FRMPD2: variants seen among roughly 807,000 people sequenced by gnomAD.
FRMPD2 encodes the protein FERM and PDZ domain-containing protein 2.
FRMPD2 carries 96 observed loss-of-function variants against 140.1 expected under a neutral mutation model. That is an observed-to-expected ratio of 0.69 (90% CI 0.58 to 0.81). The LOEUF is 0.81. Ranked by LOEUF, FRMPD2 falls within the 40% of genes least tolerant of loss-of-function variation. The probability of loss-of-function intolerance (pLI) is 0.00; values close to 1 mark genes in which losing one functional copy is unlikely to be tolerated. For synonymous variants in FRMPD2, 449 were observed against 547.6 expected (o/e 0.82, Z 2.52); for missense variants, 1,240 against 1,447.4 (o/e 0.86, Z 2.32).
intron 2 of FRMPD2, among the ~76,000 whole-genome samples, chr10:48,250,778 A>G (rs1220864149): frequency 6.7e-6 from 1 of 149,274 alleles, no homozygotes; most frequent in African/African-American, 2.5e-5. Context: ...CCTGTTTAGA[A>G]CACAGAGTAG....
At position 48,262,239 on chromosome 10, in the gene FRMPD2, A is replaced by G. The variant is rs556786593; in HGVS notation, c.26-10548T>C. 5.9e-5 allele frequency among the ~76,000 whole-genome samples: 9 copies of G among 152,320 alleles called. No individual in the cohort carries two copies. In the East Asian group the frequency reaches 1.3e-3, roughly 23 times the overall value. On this transcript the variant is annotated intron_variant, in intron 1 of 28. Coordinates refer to ENST00000374201, the MANE Select transcript of FRMPD2 (RefSeq NM_001018071.4). ...CCCCTTTAAATATGAAGGCACAAAT[A>G]GGTTAAAAGTAAAGGGAAGAATAAA...
In FRMPD2 at chr10:48,221,603, A is replaced by G. The variant is rs544819755; in HGVS notation, c.1455+710T>C. Among the ~76,000 whole-genome samples, 21 of 152,336 alleles carry G rather than the reference A, an allele frequency of 1.4e-4. No individual in the cohort carries two copies. The South Asian group carries it at 4.4e-3, about 32-fold the overall frequency. On this transcript the variant is annotated intron_variant, in intron 12 of 28. Transcript: ENST00000374201. Reference sequence around the variant, plus strand: ...ATTGAAATAAAATGAATAAATTAATATAAATAAATTTTAAAAATAAAGGTT... The same window carrying G: ...ATTGAAATAAAATGAATAAATTAATGTAAATAAATTTTAAAAATAAAGGTT...
rs1839591782 is a variant in FRMPD2, at chr10:48,221,826, G to A, written c.1455+487C>T. ...GCTTTCTGGATGAATAGGTGGATGG[G>A]TGTGTGGGTGGCTGGGTGGGTAGAT... On this transcript the variant is annotated intron_variant, in intron 12 of 28. Coordinates refer to ENST00000374201, the MANE Select transcript of FRMPD2 (RefSeq NM_001018071.4). 2.0e-5 allele frequency among the ~76,000 whole-genome samples: 3 copies of A among 152,124 alleles called. No individual in the cohort carries two copies. In the South Asian group the frequency reaches 6.2e-4, roughly 32 times the overall value.
chr10:48,273,128 A>G (rs1364251157), intron 1 of FRMPD2, among the ~76,000 whole-genome samples: 1 of 152,118 alleles, frequency 6.6e-6, no homozygotes, highest in Non-Finnish European at 1.5e-5. Flanking sequence ...ATGCATATGT[A>G]TTTGTTTTTG....
At chr10:48,232,081 C>A in intron 10 of FRMPD2, 34 bp downstream of exon 10, 1 of 1,604,972 alleles carries the variant, frequency 6.2e-7, no homozygotes, top group Non-Finnish European at 8.5e-7. Context: ...CCAGAGGCAC[C>A]AGGCCAGCTG....
At position 48,206,859 on chromosome 10, in the gene FRMPD2, C is replaced by A. The variant is rs369493205; in HGVS notation, c.1686G>T (p.Glu562Asp). 9.9e-6 allele frequency: 16 copies of A among 1,613,980 alleles called. No homozygotes were observed. The African/African-American group carries it at 1.9e-4, about 19-fold the overall frequency. Residue 562 changes from glutamate to aspartate, a missense_variant, in exon 14 of 29, where the codon GAG (glutamate) becomes GAT (aspartate). Physicochemically the swap from Glu to Asp is conservative, Grantham distance 45. Coordinates refer to ENST00000374201, the MANE Select transcript of FRMPD2 (RefSeq NM_001018071.4). ...CCTTGGCACAGATCCCCAGGGCCAT[C>A]TCCTCTTCTGGCCTCCTCTTCTCTG... ...VFSEKRRPEE[E>D]MALGICAKGV...
intron 1 of FRMPD2, among the ~76,000 whole-genome samples, chr10:48,271,023 C>T (rs547091357): frequency 4.2e-4 from 64 of 152,320 alleles, no homozygotes; most frequent in African/African-American, 1.5e-3. Flanking sequence ...TCCTAAAACA[C>T]AAATCTGACC....
intron 13 of FRMPD2, among the ~76,000 whole-genome samples, chr10:48,211,132 G>A (rs986041634): frequency 6.6e-6 from 1 of 152,224 alleles, no homozygotes; most frequent in African/African-American, 2.4e-5. Context: ...ACAAGACATG[G>A]GGCTTCCTGG....
intron 28 of FRMPD2, chr10:48,159,204 G>C (rs781888819): frequency 1.4e-4 from 64 of 456,010 alleles, no homozygotes; most frequent in Non-Finnish European, 2.6e-4. Context: ...CCTGACAACT[G>C]CATTTAGTTT....
intron 14 of FRMPD2, among the ~76,000 whole-genome samples, 172 bp downstream of exon 14, chr10:48,206,576 A>C (rs1468632407): frequency 6.6e-6 from 1 of 152,208 alleles, no homozygotes; most frequent in Admixed American, 6.5e-5. Flanking sequence ...CCCTTGGCAG[A>C]CTTCTTCCAA....
At chr10:48,173,522 C>G (rs1446725101) in intron 24 of FRMPD2, among the ~76,000 whole-genome samples, 1 of 151,574 alleles carries the variant, frequency 6.6e-6, no homozygotes, top group Non-Finnish European at 1.5e-5. Flanking sequence ...TCCACCTCCT[C>G]TCTCACTGCC....
In FRMPD2 at chr10:48,236,501, T is replaced by TC; in HGVS notation, c.973_974insG (p.His325ArgfsTer35). On this transcript the variant is annotated frameshift_variant, in exon 9 of 29. Coordinates refer to ENST00000374201, the MANE Select transcript of FRMPD2 (RefSeq NM_001018071.4). LOFTEE classifies it high-confidence loss of function. ...AGTTACCACAACCGATCCCGGCAGA[T>TC]GTAGTGTCATCGGGGCCTCTCCAGC... The TC allele has an allele frequency of 6.2e-7, 1 of 1,614,156 alleles. No homozygotes were observed. The highest frequency in any genetic ancestry group is 8.5e-7 in the Non-Finnish European group (1 of 1,180,004).
At chr10:48,262,853 G>A (rs556823315) in intron 1 of FRMPD2, among the ~76,000 whole-genome samples, 1 of 152,124 alleles carries the variant, frequency 6.6e-6, no homozygotes, top group Non-Finnish European at 1.5e-5. Flanking sequence ...TGGCTCACTA[G>A]TAACCTCCAC....
At chr10:48,171,508 C>T (rs1340893218) in intron 25 of FRMPD2, among the ~76,000 whole-genome samples, 2 of 152,372 alleles carry the variant, frequency 1.3e-5, no homozygotes, top group Non-Finnish European at 2.9e-5. Flanking sequence ...TAAAAGGAAA[C>T]AGGTTAAATA....
At chr10:48,203,680 A>G (rs1455990267) in intron 14 of FRMPD2, among the ~76,000 whole-genome samples, 4 of 152,114 alleles carry the variant, frequency 2.6e-5, no homozygotes, top group Non-Finnish European at 5.9e-5. Flanking sequence ...TCTTTGTATG[A>G]AATACAAATA....
intron 4 of FRMPD2, among the ~76,000 whole-genome samples, chr10:48,242,690 G>A (rs1840150740): frequency 2.0e-5 from 3 of 152,214 alleles, no homozygotes; most frequent in Admixed American, 2.0e-4. Context: ...TCAAACCAGA[G>A]GTCAGCCTTT....
intron 20 of FRMPD2, among the ~76,000 whole-genome samples, chr10:48,182,129 T>A (rs1838567539): frequency 6.6e-6 from 1 of 152,034 alleles, no homozygotes; most frequent in African/African-American, 2.4e-5. Flanking sequence ...TTTAAATAAA[T>A]CTGATTTAAT....
chr10:48,188,650 G>A (rs1299556187), intron 16 of FRMPD2, among the ~76,000 whole-genome samples: 1 of 152,202 alleles, frequency 6.6e-6, no homozygotes, highest in African/African-American at 2.4e-5. Flanking sequence ...CAGGGCGCTC[G>A]TGTGCTCAAT....
intron 4 of FRMPD2, 84 bp downstream of exon 4, chr10:48,244,699 TA>T: frequency 9.8e-7 from 1 of 1,016,630 alleles, no homozygotes; most frequent in Non-Finnish European, 1.6e-6. Context: ...GTGTGCTCAG[TA>T]AATGTGGTCC....
Sources: allele counts gnomAD v4.1 joint callset (sites outside exome capture counted in the v4.1 genomes callset), GRCh38; gene constraint gnomAD v4.1.1; transcripts MANE v1.5; gene names NCBI Gene and HGNC (gene_info 2026-07-23, HGNC 2026-07-21).